The following DDX1 variants were observed in gnomAD, a reference collection of about 807,000 sequenced individuals.
DDX1 encodes DEAD-box helicase 1, also known as ATP-dependent RNA helicase DDX1.
A neutral mutation model predicts 108.7 loss-of-function variants in DDX1; 28 were observed. That is an observed-to-expected ratio of 0.26 (90% CI 0.19 to 0.35). DDX1 has a LOEUF of 0.35. DDX1 is among the 10% of genes least tolerant of loss of function. The probability of loss-of-function intolerance (pLI) is 1.00; values close to 1 mark genes in which losing one functional copy is unlikely to be tolerated. For synonymous variants in DDX1, 295 were observed against 288.9 expected (o/e 1.02, Z -0.21); for missense variants, 710 against 884.5 (o/e 0.80, Z 2.50).
At position 15,597,461 on chromosome 2, in the gene DDX1, T is replaced by C. The variant is rs756154960; in HGVS notation, c.249T>C (p.Thr83=). Residue 83 remains threonine, a synonymous_variant, in exon 5 of 26, where the codon ACT becomes ACC. Coordinates refer to ENST00000233084, the MANE Select transcript of DDX1 (RefSeq NM_004939.3). ...EGKKGKTTIK[T]GASVLNKWQM... ...AAAAAGGAAAAACAACAATTAAAAC[T>C]GGTGCTTCAGGTAATTTTTGTAAAT... 3.1e-6 allele frequency: 5 copies of C among 1,600,162 alleles called. No homozygotes were observed. The highest frequency in any genetic ancestry group is 1.3e-5 in the African/African-American group (1 of 74,200).
At chr2:15,595,100 A>C in intron 1 of DDX1, 45 bp from the exon 2 acceptor site, 1 of 1,438,950 alleles carries the variant, frequency 6.9e-7, no homozygotes, top group Non-Finnish European at 9.7e-7. Flanking sequence ...AATGCAATTT[A>C]TCATTTCAGT....
In DDX1 at chr2:15,605,861, AT is replaced by A. The variant is rs371715357; in HGVS notation, c.626-88del. 2.6e-3 allele frequency: 2,279 copies of A among 880,530 alleles called. 36 individuals are homozygous for A. In the South Asian group the frequency reaches 0.029, roughly 11 times the overall value. 54.5% of individuals were successfully genotyped at this position (880,530 alleles called of 1,614,324 possible). A position where few individuals can be genotyped will look rare whatever the true frequency, so the allele number is the denominator to read the frequency against. On this transcript the variant is annotated intron_variant, in intron 10 of 25. Coordinates refer to ENST00000233084, the MANE Select transcript of DDX1 (RefSeq NM_004939.3). ...CCATAGTGACAGGAGAGAGGCATGA[AT>A]GCAGGTAAGCTGGTAGATTTGACAT...
intron 13 of DDX1, among the ~76,000 whole-genome samples, chr2:15,612,825 C>T (rs1260939124): frequency 5.3e-5 from 8 of 152,190 alleles, no homozygotes; most frequent in Admixed American, 2.6e-4. Context: ...GCCAACACAG[C>T]GAAACCCCGT....
intron 13 of DDX1, 49 bp downstream of exon 13, chr2:15,607,362 T>C: frequency 6.4e-7 from 1 of 1,570,670 alleles, no homozygotes; most frequent in Non-Finnish European, 8.7e-7. Context: ...TGGTTTGAAG[T>C]TTTTTGGAAG....
At position 15,629,131 on chromosome 2, in the gene DDX1, G is replaced by A. The variant is rs560681779; in HGVS notation, c.1875+292G>A. The stretch of plus-strand genomic sequence containing the variant: ...GGTGCCATGGAAGACCTTTCATGGT[G>A]AGGGGAGATTTATTTTGATATAATT... On this transcript the variant is annotated intron_variant, in intron 23 of 25. Coordinates refer to ENST00000233084, the MANE Select transcript of DDX1 (RefSeq NM_004939.3). Among the ~76,000 whole-genome samples, 177 of 152,256 alleles carry A rather than the reference G, an allele frequency of 1.2e-3. 2 individuals carry two copies. The highest frequency in any genetic ancestry group is 4.0e-3 in the African/African-American group (168 of 41,558).
rs193075454 is a variant in DDX1, at chr2:15,620,193, G to T, written c.1207-15G>T. The stretch of plus-strand genomic sequence containing the variant: ...TTATAAAAGTTCATCTCAATTTGGG[G>T]TTTCCTCTTCTTAGGTGATTGTTTG... On this transcript the variant is annotated splice_polypyrimidine_tract_variant and intron_variant, in intron 16 of 25. Coordinates refer to ENST00000233084, the MANE Select transcript of DDX1 (RefSeq NM_004939.3). 1.2e-6 allele frequency: 2 copies of T among 1,601,930 alleles called. No individual in the cohort carries two copies. Among genetic ancestry groups the T allele is most frequent in the Non-Finnish European group, 8.5e-7 (1 of 1,175,808 alleles).
In DDX1 at chr2:15,630,912, A is replaced by G. The variant is rs1666184514; in HGVS notation, c.*6A>G. The stretch of plus-strand genomic sequence containing the variant: ...AGCTGTTCAGAACCTTCTGATTTTT[A>G]CATTTACTGAATAAGATTTGAGTAA... On this transcript the variant is annotated 3_prime_UTR_variant, in exon 26 of 26. Transcript: ENST00000233084. 6.2e-7 allele frequency: 1 copy of G among 1,613,240 alleles called. No homozygotes were observed. Among genetic ancestry groups the G allele is most frequent in the Admixed American group, 1.7e-5 (1 of 59,938 alleles).
intron 11 of DDX1, 55 bp from the exon 12 acceptor site, chr2:15,606,095 A>T (rs1665656532): frequency 2.0e-5 from 32 of 1,571,470 alleles, no homozygotes; most frequent in Non-Finnish European, 2.7e-5. Context: ...TATTTTGTAT[A>T]CGATGGTTTT....
At chr2:15,618,017 C>T (rs1665928895) in intron 15 of DDX1, among the ~76,000 whole-genome samples, 164 bp from the exon 16 acceptor site, 1 of 152,092 alleles carries the variant, frequency 6.6e-6, no homozygotes, top group Non-Finnish European at 1.5e-5. Flanking sequence ...TATAAATTAT[C>T]TTTATCCAAC....
intron 14 of DDX1, among the ~76,000 whole-genome samples, chr2:15,614,346 G>C (rs1665857929): frequency 6.6e-6 from 1 of 152,156 alleles, no homozygotes; most frequent in Non-Finnish European, 1.5e-5. Context: ...GTGCCACACA[G>C]ACTTTACATT....
intron 1 of DDX1, among the ~76,000 whole-genome samples, chr2:15,592,330 C>T (rs957409797): frequency 6.6e-6 from 1 of 152,322 alleles, no homozygotes; most frequent in African/African-American, 2.4e-5. Context: ...TTTCTGCCCG[C>T]GGCTCATCTG....
chr2:15,630,821 A>G lies in DDX1; in HGVS notation c.2138A>G (p.Gln713Arg). 6.2e-7 allele frequency: 1 copy of G among 1,614,090 alleles called. No individual in the cohort carries two copies. The highest frequency in any genetic ancestry group is 1.1e-5 in the South Asian group (1 of 91,078). Residue 713 changes from glutamine (Q) to arginine (R), a missense_variant, in exon 26 of 26, where the codon CAA (glutamine) becomes CGA (arginine). Transcript: ENST00000233084. ...GTGGATATTTTGGCACCTACTGTTCAAGAGTTGGCTGCCCTTGAAAAGGAG... is the reference window on the plus strand; with the variant it reads ...GTGGATATTTTGGCACCTACTGTTCGAGAGTTGGCTGCCCTTGAAAAGGAG... Reference protein sequence around the residue: ...GHVDILAPTVQELAALEKEAQ... With the variant: ...GHVDILAPTVRELAALEKEAQ...
chr2:15,602,747 T>G, intron 7 of DDX1, 116 bp downstream of exon 7: 1 of 747,606 alleles, frequency 1.3e-6, no homozygotes, highest in East Asian at 2.8e-5. Context: ...TCGCCCGGGC[T>G]GGAGGGCCCG....
Position 15,605,941 on chromosome 2 carries a change from T to G in DDX1, c.626-9T>G. On this transcript the variant is annotated splice_polypyrimidine_tract_variant and intron_variant, in intron 10 of 25. Coordinates refer to ENST00000233084, the MANE Select transcript of DDX1 (RefSeq NM_004939.3). ...TGTTTTAATCTCTCTCTCTCTCTTG[T>G]TTTTTAAGGAAAAGATCTTGGTCTG... 1 of 1,543,056 alleles carries G rather than the reference T, an allele frequency of 6.5e-7. No homozygotes were observed.
At chr2:15,617,102 C>CTT (rs11305723) in intron 14 of DDX1, 142 bp from the exon 15 acceptor site, 66,361 of 361,242 alleles carry the variant, frequency 0.18, 5,461 homozygotes, top group African/African-American at 0.41. Flanking sequence ...TCTGTAACTC[C>CTT]TTTTTTTTTT....
intron 5 of DDX1, among the ~76,000 whole-genome samples, chr2:15,597,925 A>C (rs555720167): frequency 6.6e-6 from 1 of 152,068 alleles, no homozygotes; most frequent in African/African-American, 2.4e-5. Context: ...GGAAGTTAAA[A>C]TATAAATTTT....
intron 16 of DDX1, among the ~76,000 whole-genome samples, chr2:15,619,195 G>A (rs1665949544): frequency 6.6e-6 from 1 of 152,108 alleles, no homozygotes; most frequent in African/African-American, 2.4e-5. Flanking sequence ...CCTCTGGCAG[G>A]CGACTCGGCC....
At position 15,595,118 on chromosome 2, in the gene DDX1, G is replaced by T. The variant is rs143342102; in HGVS notation, c.17-27G>T. The T allele has an allele frequency of 5.8e-5, 92 of 1,575,030 alleles. No homozygotes were observed. In the East Asian group the frequency reaches 1.9e-3, roughly 33 times the overall value. Reference sequence around the variant, plus strand: ...GCAATTTATCATTTCAGTTTATGTGGTTTTTAAAATTAATTTTTACTTTCA... The same window carrying T: ...GCAATTTATCATTTCAGTTTATGTGTTTTTTAAAATTAATTTTTACTTTCA... On this transcript the variant is annotated intron_variant, in intron 1 of 25. Coordinates refer to ENST00000233084, the MANE Select transcript of DDX1 (RefSeq NM_004939.3).
rs779107747 is a variant in DDX1 at position 15,623,423 on chromosome 2, T to TA, written c.1448-12dup. On this transcript the variant is annotated splice_polypyrimidine_tract_variant and intron_variant, in intron 18 of 25. Transcript: ENST00000233084. ...AAATTCTGTTGGTTTTTGTTGTTGT[T>TA]ATGATATTCAAGAGATGTGGTCTGA... The TA allele has an allele frequency of 6.2e-7, 1 of 1,612,488 alleles. No homozygotes were observed. The highest frequency in any genetic ancestry group is 2.2e-5 in the East Asian group (1 of 44,778).
Sources: gnomAD v4.1 joint callset for allele counts (sites outside exome capture counted in the v4.1 genomes callset) on GRCh38, gnomAD v4.1.1 for gene constraint, MANE v1.5 for transcripts, NCBI Gene and HGNC (gene_info 2026-07-23, HGNC 2026-07-21) for gene names.